Variants in RANBP3L observed in about 807,000 individuals in gnomAD.
RANBP3L encodes the protein ran-binding protein 3-like.
In RANBP3L, 56 loss-of-function variants were observed where a neutral mutation model predicts 67.2. That is an observed-to-expected ratio of 0.83 (90% CI 0.67 to 1.04). RANBP3L has a LOEUF of 1.04. Ranked by LOEUF, RANBP3L falls within the 50% of genes least tolerant of loss-of-function variation. The probability of loss-of-function intolerance (pLI) is 0.00; values close to 1 mark genes in which losing one functional copy is unlikely to be tolerated. For missense variants in RANBP3L, 496 were observed against 535.5 expected (o/e 0.93, Z 0.73); for synonymous variants, 164 against 181.4 (o/e 0.90, Z 0.77).
intron 1 of RANBP3L, 23 bp from the exon 2 acceptor site, chr5:36,271,334 C>A (rs1387726913): frequency 1.4e-6 from 2 of 1,476,488 alleles, no homozygotes; most frequent in Admixed American, 1.7e-5. Flanking sequence ...AGAAAACAGG[C>A]AAGAAATCAA....
intron 6 of RANBP3L, among the ~76,000 whole-genome samples, chr5:36,263,115 C>T (rs574659453): frequency 2.0e-5 from 3 of 152,106 alleles, no homozygotes; most frequent in Admixed American, 1.3e-4. Context: ...TACATAGGAT[C>T]TTATATACAG....
intron 3 of RANBP3L, among the ~76,000 whole-genome samples, 199 bp downstream of exon 3, chr5:36,269,752 C>A (rs960950277): frequency 6.6e-6 from 1 of 152,210 alleles, no homozygotes; most frequent in East Asian, 1.9e-4. Context: ...GAGTGGAGCA[C>A]AATGAATTTT....
At position 36,249,310 on chromosome 5, in the gene RANBP3L, G is replaced by T. The variant is rs1748442030; in HGVS notation, c.*344C>A. The T allele has an allele frequency of 6.2e-6, 1 of 161,352 alleles. No homozygotes were observed. The highest frequency in any genetic ancestry group is 1.3e-5 in the Non-Finnish European group (1 of 74,334). 10.0% of individuals were successfully genotyped at this position (161,352 alleles called of 1,614,324 possible). ...ACTGAAAAAAATAAACATTTTGTTAGGTATTTATCAAATCTAGCAATTTAT... is the reference window on the plus strand; with the variant it reads ...ACTGAAAAAAATAAACATTTTGTTATGTATTTATCAAATCTAGCAATTTAT... On this transcript the variant is annotated 3_prime_UTR_variant, in exon 14 of 14. Coordinates refer to ENST00000296604, the MANE Select transcript of RANBP3L (RefSeq NM_145000.5).
intron 1 of RANBP3L, among the ~76,000 whole-genome samples, chr5:36,277,398 ATCTCTC>A (rs746299512): frequency 1.6e-3 from 156 of 100,388 alleles, no homozygotes; most frequent in African/African-American, 6.2e-3. Context: ...CAGCTTTTTC[ATCTCTC>A]TCTCTCTCTC....
chr5:36,262,178 C>T (rs893458546), intron 6 of RANBP3L, 136 bp from the exon 7 acceptor site: 5 of 549,392 alleles, frequency 9.1e-6, no homozygotes, highest in Middle Eastern at 4.8e-4. Flanking sequence ...ATTTTATGTA[C>T]GATCTCATTT....
Position 36,251,416 on chromosome 5 carries a change from A to G in RANBP3L, c.1251T>C (p.Asp417=), listed in dbSNP as rs750513007. 13 of 1,613,268 alleles carry G rather than the reference A, an allele frequency of 8.1e-6. 1 individual carries two copies. The South Asian group carries it at 1.2e-4, about 15-fold the overall frequency. Residue 417 remains aspartate (D), a synonymous_variant, in exon 13 of 14, where the codon GAT becomes GAC. Coordinates refer to ENST00000296604, the MANE Select transcript of RANBP3L (RefSeq NM_145000.5). ...CTGACAGGCTTTCAGCTTGATTGACATCTCTCTGCTTATTGAAGCTTTGAA... is the reference window on the plus strand; with the variant it reads ...CTGACAGGCTTTCAGCTTGATTGACGTCTCTCTGCTTATTGAAGCTTTGAA... ...VALQSFNKQR[D]VNQAESLSET... is the part of the protein sequence containing the mutation.
intron 1 of RANBP3L, among the ~76,000 whole-genome samples, chr5:36,273,118 G>A (rs1750340203): frequency 6.6e-6 from 1 of 152,216 alleles, no homozygotes; most frequent in African/African-American, 2.4e-5. Flanking sequence ...GATTTAAGCA[G>A]TGAGATTTGC....
At chr5:36,295,099 A>G (rs1233705293) in intron 1 of RANBP3L, among the ~76,000 whole-genome samples, 1 of 151,998 alleles carries the variant, frequency 6.6e-6, no homozygotes, top group African/African-American at 2.4e-5. Context: ...GTGCACAAGT[A>G]TCTGTTTGAA....
chr5:36,279,118 G>T (rs1421348633), intron 1 of RANBP3L, among the ~76,000 whole-genome samples: 1 of 152,078 alleles, frequency 6.6e-6, no homozygotes, highest in African/African-American at 2.4e-5. Flanking sequence ...TCTCTGCATG[G>T]AGCCCAAGGA....
intron 1 of RANBP3L, among the ~76,000 whole-genome samples, chr5:36,287,994 G>A (rs1273280790): frequency 1.3e-5 from 2 of 152,186 alleles, no homozygotes; most frequent in Admixed American, 1.3e-4. Flanking sequence ...AGGAAAATTT[G>A]GAGTCTGAGG....
chr5:36,285,857 C>A (rs896847103), intron 1 of RANBP3L, among the ~76,000 whole-genome samples: 9 of 152,088 alleles, frequency 5.9e-5, no homozygotes, highest in Non-Finnish European at 1.0e-4. Flanking sequence ...GCATTCAAGA[C>A]CTTGGATTGC....
At position 36,249,702 on chromosome 5, in the gene RANBP3L, G is replaced by T; in HGVS notation, c.1355-5C>A. ...TGTGAGTCCAACTAGAAGGATCTGT[G>T]ATATAAATTTAAAATGTTTTATTAT... is the stretch of plus-strand genomic sequence containing the variant. On this transcript the variant is annotated splice_polypyrimidine_tract_variant and splice_region_variant and intron_variant, in intron 13 of 13. Transcript: ENST00000296604. The T allele has an allele frequency of 6.6e-7, 1 of 1,517,136 alleles. No homozygotes were observed. The highest frequency in any genetic ancestry group is 9.0e-7 in the Non-Finnish European group (1 of 1,107,478). 94.0% of individuals were successfully genotyped at this position (1,517,136 alleles called of 1,614,324 possible). A position where few individuals can be genotyped will look rare whatever the true frequency, so the allele number is the denominator to read the frequency against.
At position 36,257,203 on chromosome 5, in the gene RANBP3L, C is replaced by T. The variant is rs939113942; in HGVS notation, c.773-132G>A. 16 of 767,392 alleles carry T rather than the reference C, an allele frequency of 2.1e-5. No homozygotes were observed. The African/African-American group carries it at 2.7e-4, about 13-fold the overall frequency. 47.5% of individuals were successfully genotyped at this position (767,392 alleles called of 1,614,324 possible). ...TAAGTGATTCTAAAAATTCAGACTG[C>T]TTGAGTTGGTGTAAAATCTCCTTAT... is the stretch of plus-strand genomic sequence containing the variant. On this transcript the variant is annotated intron_variant, in intron 9 of 13. Coordinates refer to ENST00000296604, the MANE Select transcript of RANBP3L (RefSeq NM_145000.5).
At chr5:36,299,844 CA>C (rs1752494977) in intron 1 of RANBP3L, among the ~76,000 whole-genome samples, 1 of 152,134 alleles carries the variant, frequency 6.6e-6, no homozygotes, top group African/African-American at 2.4e-5. Context: ...CATCCTCTGT[CA>C]TTAAATTAAA....
chr5:36,253,878 G>T, intron 11 of RANBP3L, 89 bp from the exon 12 acceptor site: 1 of 1,313,988 alleles, frequency 7.6e-7, no homozygotes. Flanking sequence ...TCTTGTAGTT[G>T]TTTTTCAGAC....
At chr5:36,275,886 TC>T (rs1199606641) in intron 1 of RANBP3L, among the ~76,000 whole-genome samples, 3 of 152,090 alleles carry the variant, frequency 2.0e-5, no homozygotes, top group African/African-American at 7.2e-5. Flanking sequence ...CTCCTGTTTT[TC>T]CAGAAAAGCC....
chr5:36,259,832 T>G (rs1749246522), intron 8 of RANBP3L, among the ~76,000 whole-genome samples: 1 of 152,132 alleles, frequency 6.6e-6, no homozygotes, highest in Non-Finnish European at 1.5e-5. Context: ...GCTTTCACTT[T>G]TCTGTAAAAT....
intron 11 of RANBP3L, 104 bp from the exon 12 acceptor site, chr5:36,253,893 G>T: frequency 9.4e-7 from 1 of 1,066,472 alleles, no homozygotes; most frequent in Non-Finnish European, 1.3e-6. Context: ...TCAGACTGTA[G>T]ATTCAATACT....
chr5:36,264,098 T>C (rs1286315738), intron 6 of RANBP3L, among the ~76,000 whole-genome samples: 1 of 152,212 alleles, frequency 6.6e-6, no homozygotes, highest in Non-Finnish European at 1.5e-5. Flanking sequence ...TATAAAAAGA[T>C]GTTGAATGGG....
Sources: allele counts gnomAD v4.1 joint callset (sites outside exome capture counted in the v4.1 genomes callset), GRCh38; gene constraint gnomAD v4.1.1; transcripts MANE v1.5; gene names NCBI Gene and HGNC (gene_info 2026-07-23, HGNC 2026-07-21).